The following SMYD3 variants were observed in gnomAD, a reference collection of about 807,000 sequenced individuals.
The protein encoded by SMYD3 is histone-lysine N-methyltransferase SMYD3.
SMYD3 carries 36 observed loss-of-function variants against 57.7 expected under a neutral mutation model. The ratio of observed to expected loss-of-function variants is 0.62; its 90% CI spans 0.48 to 0.82. SMYD3 has a LOEUF of 0.82. SMYD3 is among the 40% of genes least tolerant of loss of function. The pLI is 0.00. For missense variants in SMYD3, 515 were observed against 538.8 expected (o/e 0.96, Z 0.44); for synonymous variants, 211 against 195.0 (o/e 1.08, Z -0.68).
intron 1 of SMYD3, among the ~76,000 whole-genome samples, chr1:246,500,099 G>C (rs2068434626): frequency 6.6e-6 from 1 of 152,128 alleles, no homozygotes; most frequent in South Asian, 2.1e-4. Flanking sequence ...TGCTCCTTGG[G>C]AAACTGGTTG....
intron 5 of SMYD3, among the ~76,000 whole-genome samples, chr1:246,115,039 G>A (rs114457942): frequency 0.011 from 1,632 of 152,370 alleles, 20 homozygotes; most frequent in South Asian, 0.037. Flanking sequence ...GCCTGAAGGA[G>A]GCCCTGAGTT....
intron 5 of SMYD3, among the ~76,000 whole-genome samples, chr1:246,122,015 A>T (rs1371617300): frequency 6.6e-6 from 1 of 152,100 alleles, no homozygotes; most frequent in Non-Finnish European, 1.5e-5. Context: ...ATTCTCCAAA[A>T]TTTCAAATAT....
intron 10 of SMYD3, among the ~76,000 whole-genome samples, chr1:245,766,958 T>C (rs997459770): frequency 1.5e-4 from 23 of 152,164 alleles, no homozygotes; most frequent in African/African-American, 5.5e-4. Flanking sequence ...CACAGCTCTA[T>C]GGGGCTGCTG....
intron 7 of SMYD3, among the ~76,000 whole-genome samples, chr1:245,924,320 A>G (rs1375527095): frequency 3.9e-5 from 6 of 152,162 alleles, no homozygotes; most frequent in Non-Finnish European, 4.4e-5. Context: ...ACAAAAATCC[A>G]AAGTCAAATA....
At chr1:245,838,544 G>C (rs908695469) in intron 10 of SMYD3, among the ~76,000 whole-genome samples, 1 of 152,296 alleles carries the variant, frequency 6.6e-6, no homozygotes, top group African/African-American at 2.4e-5. Flanking sequence ...GCTATATCTA[G>C]ATACATGTAG....
chr1:246,025,778 G>A (rs1157606579), intron 5 of SMYD3: 2 of 152,248 alleles, frequency 1.3e-5, no homozygotes, highest in African/African-American at 4.8e-5. Flanking sequence ...ATGTTACTGA[G>A]AGGAAGCAAC....
intron 5 of SMYD3, among the ~76,000 whole-genome samples, chr1:246,236,957 A>C (rs1455075253): frequency 6.6e-6 from 1 of 152,102 alleles, no homozygotes; most frequent in Non-Finnish European, 1.5e-5. Context: ...CCATTCCTCC[A>C]CCTTGCTGGG....
At chr1:246,280,087 C>T (rs531188938) in intron 5 of SMYD3, among the ~76,000 whole-genome samples, 9 of 152,130 alleles carry the variant, frequency 5.9e-5, no homozygotes, top group Admixed American at 2.6e-4. Context: ...TTCATATCCA[C>T]GAAGATAACA....
At chr1:246,159,997 T>C (rs1314486973) in intron 5 of SMYD3, among the ~76,000 whole-genome samples, 1 of 152,168 alleles carries the variant, frequency 6.6e-6, no homozygotes, top group African/African-American at 2.4e-5. Context: ...AATAATGAAG[T>C]AAACTCAGTA....
chr1:246,369,174 T>C (rs1198041473), intron 1 of SMYD3, among the ~76,000 whole-genome samples: 3 of 152,216 alleles, frequency 2.0e-5, no homozygotes, highest in Non-Finnish European at 4.4e-5. Flanking sequence ...AAGTGCTCGG[T>C]AACTATTACT....
intron 5 of SMYD3, among the ~76,000 whole-genome samples, chr1:246,081,386 T>C (rs888623964): frequency 2.0e-5 from 3 of 152,118 alleles, no homozygotes; most frequent in Non-Finnish European, 4.4e-5. Context: ...TGTTTGTTTC[T>C]AGTTTTTCTT....
chr1:245,987,212 C>A (rs1346042868), intron 5 of SMYD3, among the ~76,000 whole-genome samples: 1 of 152,192 alleles, frequency 6.6e-6, no homozygotes, highest in Non-Finnish European at 1.5e-5. Flanking sequence ...CATAATCAGC[C>A]ACTGATCAAT....
chr1:245,900,500 G>C (rs1483303142), intron 8 of SMYD3, among the ~76,000 whole-genome samples: 1 of 152,164 alleles, frequency 6.6e-6, no homozygotes, highest in Non-Finnish European at 1.5e-5. Flanking sequence ...CCACATGCTA[G>C]GGATGACTAT....
At chr1:245,837,507 G>T (rs1370099678) in intron 10 of SMYD3, among the ~76,000 whole-genome samples, 3 of 152,098 alleles carry the variant, frequency 2.0e-5, no homozygotes, top group African/African-American at 7.2e-5. Context: ...CTGTCCTGCA[G>T]TCGTGGGAGA....
At chr1:246,411,133 G>A (rs2066961332) in intron 1 of SMYD3, among the ~76,000 whole-genome samples, 1 of 151,932 alleles carries the variant, frequency 6.6e-6, no homozygotes, top group African/African-American at 2.4e-5. Context: ...TGGATTCATT[G>A]ATTTTTTGAA....
intron 1 of SMYD3, among the ~76,000 whole-genome samples, chr1:246,504,687 C>T (rs1406229879): frequency 6.6e-6 from 1 of 152,090 alleles, no homozygotes; most frequent in Non-Finnish European, 1.5e-5. Flanking sequence ...AGATGGAAGG[C>T]AGCAGAAGGA....
chr1:246,453,640 C>T (rs946403909), intron 1 of SMYD3, among the ~76,000 whole-genome samples: 8 of 152,096 alleles, frequency 5.3e-5, no homozygotes, highest in Admixed American at 2.0e-4. Flanking sequence ...ACTTAAAATG[C>T]TCCTCAGGCA....
At chr1:246,272,171 T>G (rs1470068681) in intron 5 of SMYD3, among the ~76,000 whole-genome samples, 2 of 152,222 alleles carry the variant, frequency 1.3e-5, no homozygotes, top group African/African-American at 4.8e-5. Context: ...TTAGCATTGA[T>G]AGTTTTTTGT....
At chr1:245,804,453 G>A (rs909125826) in intron 10 of SMYD3, among the ~76,000 whole-genome samples, 4 of 152,108 alleles carry the variant, frequency 2.6e-5, no homozygotes, top group Admixed American at 6.5e-5. Context: ...AGCTACTCGG[G>A]AGGCTGAGGC....
Sources: allele counts gnomAD v4.1 joint callset (sites outside exome capture counted in the v4.1 genomes callset), GRCh38; gene constraint gnomAD v4.1.1; transcripts MANE v1.5; gene names NCBI Gene and HGNC (gene_info 2026-07-23, HGNC 2026-07-21).